Variants in CLASP2 observed in about 807,000 individuals in gnomAD.
The protein encoded by CLASP2 is CLIP-associating protein 2.
In CLASP2, 47 loss-of-function variants were observed where a neutral mutation model predicts 194.4. That is an observed-to-expected ratio of 0.24 (90% CI 0.19 to 0.31). CLASP2 has a LOEUF of 0.31. Among genes scored for constraint, CLASP2 ranks in the 10% least tolerant of loss-of-function variants. CLASP2 has a pLI of 1.00. For synonymous variants in CLASP2, 619 were observed against 633.5 expected, an observed-to-expected ratio of 0.98 and a Z score of 0.34; for missense variants, 1,445 against 1,823.6, an observed-to-expected ratio of 0.79 and a Z score of 3.78.
chr3:33,679,789 C>A (rs1019972088), intron 6 of CLASP2, among the ~76,000 whole-genome samples: 26 of 152,150 alleles, frequency 1.7e-4, no homozygotes, highest in African/African-American at 6.3e-4. Context: ...GGTGGGAATA[C>A]AAAATGGTAC....
intron 1 of CLASP2, among the ~76,000 whole-genome samples, chr3:33,702,786 AAAG>A (rs2154353728): frequency 6.6e-6 from 1 of 152,304 alleles, no homozygotes; most frequent in East Asian, 1.9e-4. Flanking sequence ...AGCAAACAGA[AAAG>A]AATAGAAAGT....
At chr3:33,669,425 A>C (rs776039882) in intron 6 of CLASP2, among the ~76,000 whole-genome samples, 1 of 152,194 alleles carries the variant, frequency 6.6e-6, no homozygotes, top group Non-Finnish European at 1.5e-5. Flanking sequence ...ACTACATTAA[A>C]ATTAAGAACT....
chr3:33,654,072 C>T (rs1417015667), intron 7 of CLASP2, among the ~76,000 whole-genome samples: 1 of 148,902 alleles, frequency 6.7e-6, no homozygotes, highest in Non-Finnish European at 1.5e-5. Context: ...TGAAGAATAA[C>T]ACCGTTAACA....
At chr3:33,610,583 T>A (rs765247620) in intron 13 of CLASP2, among the ~76,000 whole-genome samples, 38 of 141,440 alleles carry the variant, frequency 2.7e-4, no homozygotes, top group Middle Eastern at 3.6e-3. Context: ...TTCCTCAATG[T>A]AAGACGGGTT....
At position 33,718,173 on chromosome 3, in the gene CLASP2, C is replaced by T. The variant is rs1575846558; in HGVS notation, c.-171G>A. ...GGAGGAACGCCAAGCGCCCAGCCGC[C>T]CCCAAACTAGTCAAACTCGGCGCCC... On this transcript the variant is annotated 5_prime_UTR_variant, in exon 1 of 39. Transcript: ENST00000682230. 1.5e-5 allele frequency: 8 copies of T among 521,234 alleles called. No homozygotes were observed. In the East Asian group the frequency reaches 2.6e-4, roughly 17 times the overall value. 32.3% of individuals were successfully genotyped at this position (521,234 alleles called of 1,614,324 possible).
chr3:33,692,129 A>C (rs1341706941), intron 2 of CLASP2, among the ~76,000 whole-genome samples: 8 of 152,302 alleles, frequency 5.3e-5, no homozygotes, highest in South Asian at 2.1e-4. Context: ...AGATCACACC[A>C]CTGCACTCCA....
At chr3:33,526,364 A>C (rs774194601) in intron 34 of CLASP2, among the ~76,000 whole-genome samples, 5 of 152,222 alleles carry the variant, frequency 3.3e-5, no homozygotes, top group African/African-American at 4.8e-5. Flanking sequence ...CGAACCAACA[A>C]AGATCAAAAA....
Position 33,516,030 on chromosome 3 carries a change from T to C in CLASP2, c.4103A>G (p.His1368Arg). The C allele has an allele frequency of 6.2e-7, 1 of 1,610,024 alleles. No individual in the cohort carries two copies. Among genetic ancestry groups the C allele is most frequent in the Non-Finnish European group, 8.5e-7 (1 of 1,178,392 alleles). The change falls in exon 36 of 39, where the codon CAT becomes CGT. Residue 1368 changes from histidine to arginine, a missense_variant. Around this residue, in one of 4 missense-constraint regions of CLASP2, gnomAD observed 732 missense variants for 987.9 expected, o/e 0.74. Transcript: ENST00000682230. ...MKTLEAHKDP[H>R]KEVVRSAEEA... ...ACCGGCCAGGTAACTTACCTCCTTA[T>C]GAGGATCTTTATGTGCTTCCAATGT... is the stretch of plus-strand genomic sequence containing the variant.
chr3:33,510,727 G>T lies in CLASP2; in HGVS notation c.4148C>A (p.Ala1383Asp). Residue 1383 changes from alanine (A) to aspartate (D), a missense_variant, in exon 37 of 39, where the codon GCC becomes GAC. Physicochemically the swap from Ala to Asp is moderately radical, Grantham distance 126. Transcript: ENST00000682230. ...GCACTGCTCTGGACTAATTGAAGTG[G>T]CCAACACTGATGCCGCTTCCTCAGC... Reference protein sequence around the residue: ...RSAEEAASVLATSISPEQCIK... With the variant: ...RSAEEAASVLDTSISPEQCIK... 1 of 1,612,816 alleles carries T rather than the reference G, an allele frequency of 6.2e-7. No homozygotes were observed. Among genetic ancestry groups the T allele is most frequent in the Non-Finnish European group, 8.5e-7 (1 of 1,179,380 alleles).
intron 34 of CLASP2, among the ~76,000 whole-genome samples, chr3:33,532,353 C>A (rs2056507765): frequency 6.6e-6 from 1 of 152,020 alleles, no homozygotes; most frequent in Admixed American, 6.6e-5. Context: ...ATGGTAGTTG[C>A]CAGGGGCTGG....
chr3:33,505,849 T>C (rs1355476025), intron 37 of CLASP2, among the ~76,000 whole-genome samples: 1 of 150,426 alleles, frequency 6.6e-6, no homozygotes, highest in East Asian at 2.0e-4. Context: ...AGCCCAGGAG[T>C]TGGAGACCAG....
chr3:33,514,652 T>C, intron 36 of CLASP2: 1 of 327,168 alleles, frequency 3.1e-6, no homozygotes, highest in South Asian at 2.6e-5. Flanking sequence ...CTCCATTTGA[T>C]CCAGCAATCC....
chr3:33,663,366 C>A, intron 7 of CLASP2, 79 bp downstream of exon 7: 1 of 947,980 alleles, frequency 1.1e-6, no homozygotes, highest in South Asian at 1.9e-5. Context: ...TCTTTTGAAT[C>A]AGTGATATAT....
At position 33,570,635 on chromosome 3, in the gene CLASP2, C is replaced by A. The variant is rs2063553647; in HGVS notation, c.2763+92G>T. 6.2e-6 allele frequency: 9 copies of A among 1,451,502 alleles called. No individual in the cohort carries two copies. The Middle Eastern group carries it at 7.1e-4, about 115-fold the overall frequency. The allele number at this position is 1,451,502 out of a possible 1,614,324, so 89.9% of individuals were successfully genotyped here. A position where few individuals can be genotyped will look rare whatever the true frequency, so the allele number is the denominator to read the frequency against. On this transcript the variant is annotated intron_variant, in intron 26 of 38. Coordinates refer to ENST00000682230, the MANE Select transcript of CLASP2 (RefSeq NM_001365631.1). ...TGAAAATATTACTGCCATTTTGGGACAATAAAATAAAAATGGCCTACAGTT... is the reference window on the plus strand; with the variant it reads ...TGAAAATATTACTGCCATTTTGGGAAAATAAAATAAAAATGGCCTACAGTT...
intron 2 of CLASP2, among the ~76,000 whole-genome samples, chr3:33,696,310 C>A (rs1036740498): frequency 1.5e-5 from 2 of 137,406 alleles, no homozygotes; most frequent in African/African-American, 5.3e-5. Context: ...TGTGGCATTT[C>A]ACAAAATAGT....
chr3:33,550,392 CAA>C (rs555351261), intron 30 of CLASP2, among the ~76,000 whole-genome samples: 181 of 51,668 alleles, frequency 3.5e-3, no homozygotes, highest in Middle Eastern at 0.029. Context: ...GAGACTGCCT[CAA>C]AAAAAAAAAA....
intron 6 of CLASP2, among the ~76,000 whole-genome samples, chr3:33,679,151 T>G (rs2089366898): frequency 6.6e-6 from 1 of 152,068 alleles, no homozygotes; most frequent in East Asian, 1.9e-4. Flanking sequence ...GATAGTTTCT[T>G]CAAAAAACTG....
intron 25 of CLASP2, 28 bp from the exon 26 acceptor site, chr3:33,570,818 A>G: frequency 1.3e-6 from 2 of 1,539,806 alleles, no homozygotes; most frequent in Non-Finnish European, 8.8e-7. Flanking sequence ...CGGTTAATTA[A>G]TATCTTGCTG....
At chr3:33,660,938 G>T (rs905182776) in intron 7 of CLASP2, among the ~76,000 whole-genome samples, 1 of 152,158 alleles carries the variant, frequency 6.6e-6, no homozygotes, top group African/African-American at 2.4e-5. Context: ...AAATAAAGAA[G>T]AAGTTGAATT....
Sources: allele counts gnomAD v4.1 joint callset (sites outside exome capture counted in the v4.1 genomes callset), GRCh38; gene constraint gnomAD v4.1.1; regional missense constraint gnomAD v4.1.1; transcripts MANE v1.5; gene names NCBI Gene and HGNC (gene_info 2026-07-23, HGNC 2026-07-21).